The following IQCB1 variants were observed in gnomAD, a reference collection of about 807,000 sequenced individuals.
The protein encoded by IQCB1 is IQ motif containing B1.
Under a neutral mutation model 84.4 loss-of-function variants are expected in IQCB1, and 56 were observed. The observed-to-expected ratio is 0.66, with a 90% CI of 0.54 to 0.83. IQCB1 has a LOEUF of 0.83. IQCB1 is among the 40% of genes least tolerant of loss of function. The pLI is 0.00. For missense variants in IQCB1, 629 were observed against 682.1 expected, an observed-to-expected ratio of 0.92 and a Z score of 0.87; for synonymous variants, 210 against 234.8, an observed-to-expected ratio of 0.89 and a Z score of 0.96.
At chr3:121,824,176 T>C (rs2108632570) in intron 5 of IQCB1, among the ~76,000 whole-genome samples, 1 of 152,310 alleles carries the variant, frequency 6.6e-6, no homozygotes, top group Non-Finnish European at 1.5e-5. Context: ...GAAGACATAT[T>C]CCAAGACCCC....
chr3:121,825,115 C>T (rs1345645384), intron 5 of IQCB1, among the ~76,000 whole-genome samples: 1 of 148,420 alleles, frequency 6.7e-6, no homozygotes, highest in East Asian at 2.0e-4. Context: ...GGCTGGAGAG[C>T]AATGGCACTA....
chr3:121,771,624 G>C (rs1016308242), intron 14 of IQCB1, among the ~76,000 whole-genome samples: 6 of 152,256 alleles, frequency 3.9e-5, no homozygotes, highest in Admixed American at 3.9e-4. Context: ...ACCTCACCCA[G>C]CCAAGATGGT....
rs746848416 is a variant in IQCB1 at position 121,808,968 on chromosome 3, C to G, written c.435G>C (p.Val145=). The G allele has an allele frequency of 2.5e-6, 4 of 1,610,584 alleles. No individual in the cohort carries two copies. The highest frequency in any genetic ancestry group is 1.6e-4 in the Middle Eastern group (1 of 6,064). The change falls in exon 6 of 15, where the codon GTG becomes GTC. Residue 145 remains valine (V), a synonymous_variant. Transcript: ENST00000310864. The part of the protein sequence containing the change: ...KDELLHFFQI[V]TDSLFWLLGG... ...CCAAAAGCCAGAAGAGAGAATCAGTCACAATTTGGAAAAAGTGTAGTAATT... is the reference window on the plus strand; with the variant it reads ...CCAAAAGCCAGAAGAGAGAATCAGTGACAATTTGGAAAAAGTGTAGTAATT...
chr3:121,833,460 A>C (rs1708064610), intron 2 of IQCB1, among the ~76,000 whole-genome samples: 4 of 152,252 alleles, frequency 2.6e-5, no homozygotes, highest in African/African-American at 9.6e-5. Flanking sequence ...AAATAGGCTC[A>C]AAACAGTTTG....
At chr3:121,783,052 C>T (rs1422765112) in intron 12 of IQCB1, among the ~76,000 whole-genome samples, 6 of 152,226 alleles carry the variant, frequency 3.9e-5, no homozygotes, top group Admixed American at 2.6e-4. Context: ...ATGTGACACA[C>T]TACATGACCT....
At chr3:121,793,852 T>G (rs1430699290) in intron 10 of IQCB1, among the ~76,000 whole-genome samples, 1 of 152,224 alleles carries the variant, frequency 6.6e-6, no homozygotes, top group African/African-American at 2.4e-5. Context: ...GGGCTACTTT[T>G]AAATAGAGAT....
At position 121,835,047 on chromosome 3, in the gene IQCB1, G is replaced by T. The variant is rs1330896432; in HGVS notation, c.-183C>A. The T allele has an allele frequency of 1.6e-5, 9 of 573,232 alleles. No homozygotes were observed. Among genetic ancestry groups the T allele is most frequent in the East Asian group, 5.7e-5 (2 of 34,926 alleles). The allele number at this position is 573,232 out of a possible 1,614,324, so 35.5% of individuals were successfully genotyped here. On this transcript the variant is annotated 5_prime_UTR_variant, in exon 1 of 15. Transcript: ENST00000310864. ...CAGCGCCGCGGCCTTCCGGGGCAGC[G>T]TGCGTCGCGACGCGGGAAGGGGCCT...
intron 2 of IQCB1, among the ~76,000 whole-genome samples, chr3:121,831,402 T>C (rs1950634757): frequency 6.6e-6 from 1 of 152,060 alleles, no homozygotes; most frequent in South Asian, 2.1e-4. Flanking sequence ...GTAATATCTT[T>C]ATAATAAACT....
At chr3:121,829,082 CTTGT>C (rs1048402633) in intron 2 of IQCB1, 110 bp from the exon 3 acceptor site, 43 of 708,362 alleles carry the variant, frequency 6.1e-5, no homozygotes, top group South Asian at 8.2e-5. Flanking sequence ...CTTTTCTTGC[CTTGT>C]TTGAGAGGCA....
At position 121,835,033 on chromosome 3, in the gene IQCB1, C is replaced by G. The variant is rs1708208208; in HGVS notation, c.-169G>C. 3 of 568,314 alleles carry G rather than the reference C, an allele frequency of 5.3e-6. No homozygotes were observed. In the East Asian group the frequency reaches 8.7e-5, roughly 16 times the overall value. The allele number at this position is 568,314 out of a possible 1,614,324, so 35.2% of individuals were successfully genotyped here. A position where few individuals can be genotyped will look rare whatever the true frequency, so the allele number is the denominator to read the frequency against. On this transcript the variant is annotated 5_prime_UTR_variant, in exon 1 of 15. Transcript: ENST00000310864. ...CCCACGCCGCACTACAGCGCCGCGG[C>G]CTTCCGGGGCAGCGTGCGTCGCGAC...
At chr3:121,812,447 C>T (rs1035105246) in intron 5 of IQCB1, among the ~76,000 whole-genome samples, 4 of 152,088 alleles carry the variant, frequency 2.6e-5, no homozygotes, top group African/African-American at 7.2e-5. Context: ...AAGTAGGCTT[C>T]GGAAGGTGGG....
chr3:121,770,814 C>G (rs1361739956), intron 14 of IQCB1, among the ~76,000 whole-genome samples: 7 of 152,108 alleles, frequency 4.6e-5, no homozygotes, highest in Non-Finnish European at 5.9e-5. Flanking sequence ...TCCTAAGTAC[C>G]TGGGACTATG....
chr3:121,782,331 TG>T (rs1252428098), intron 12 of IQCB1, among the ~76,000 whole-genome samples: 1 of 152,232 alleles, frequency 6.6e-6, no homozygotes, highest in Non-Finnish European at 1.5e-5. Context: ...AAAGAAATTT[TG>T]TAATAGGCAT....
chr3:121,802,476 C>T (rs1055757779), intron 7 of IQCB1, among the ~76,000 whole-genome samples: 3 of 152,014 alleles, frequency 2.0e-5, no homozygotes, highest in African/African-American at 7.2e-5. Flanking sequence ...GACTCTGTTA[C>T]GATGTTACCT....
chr3:121,780,364 T>C (rs554179223), intron 13 of IQCB1, among the ~76,000 whole-genome samples: 2 of 152,340 alleles, frequency 1.3e-5, no homozygotes, highest in South Asian at 4.1e-4. Context: ...TGCTTGTTTC[T>C]TTTTCTGGTT....
intron 13 of IQCB1, among the ~76,000 whole-genome samples, chr3:121,777,745 G>A (rs1468159871): frequency 6.6e-6 from 1 of 152,008 alleles, no homozygotes; most frequent in African/African-American, 2.4e-5. Context: ...CCACATCCTT[G>A]CTAACATCTG....
intron 13 of IQCB1, among the ~76,000 whole-genome samples, chr3:121,779,602 G>T (rs1429753809): frequency 6.6e-6 from 1 of 151,676 alleles, no homozygotes; most frequent in Non-Finnish European, 1.5e-5. Flanking sequence ...GTAATTTCTG[G>T]GTTGGTTTGA....
chr3:121,794,813 T>C (rs1949116016), intron 10 of IQCB1, among the ~76,000 whole-genome samples: 1 of 152,098 alleles, frequency 6.6e-6, no homozygotes, highest in Non-Finnish European at 1.5e-5. Flanking sequence ...TTCTGTAAAA[T>C]GCCAGTTTCA....
intron 12 of IQCB1, among the ~76,000 whole-genome samples, chr3:121,784,786 A>G (rs1471060130): frequency 1.3e-5 from 2 of 152,012 alleles, no homozygotes; most frequent in Non-Finnish European, 2.9e-5. Context: ...GGCTCAAGTG[A>G]TCTTCCCACT....
Sources: allele counts gnomAD v4.1 joint callset (sites outside exome capture counted in the v4.1 genomes callset), GRCh38; gene constraint gnomAD v4.1.1; transcripts MANE v1.5; gene names NCBI Gene and HGNC (gene_info 2026-07-23, HGNC 2026-07-21).